The following HOOK1 variants were observed in gnomAD, a reference collection of about 807,000 sequenced individuals.
The protein encoded by HOOK1 is hook microtubule tethering protein 1.
Under a neutral mutation model 112.8 loss-of-function variants are expected in HOOK1, and 60 were observed. The ratio of observed to expected loss-of-function variants is 0.53; its 90% CI spans 0.43 to 0.66. The LOEUF (loss-of-function observed/expected upper bound fraction) is 0.66. Ranked by LOEUF, HOOK1 falls within the 30% of genes least tolerant of loss-of-function variation. The probability of loss-of-function intolerance (pLI) is 0.00; values close to 1 mark genes in which losing one functional copy is unlikely to be tolerated. For synonymous variants in HOOK1, 294 were observed against 283.8 expected, an observed-to-expected ratio of 1.04 and a Z score of -0.36; for missense variants, 770 against 856.0, an observed-to-expected ratio of 0.90 and a Z score of 1.25.
At chr1:59,838,780 T>C (rs1222179618) in intron 7 of HOOK1, among the ~76,000 whole-genome samples, 1 of 152,234 alleles carries the variant, frequency 6.6e-6, no homozygotes, top group Non-Finnish European at 1.5e-5. Context: ...CCCATGCTTC[T>C]GTCCTGAATG....
At chr1:59,842,607 T>G (rs1176718431) in intron 8 of HOOK1, among the ~76,000 whole-genome samples, 1 of 152,140 alleles carries the variant, frequency 6.6e-6, no homozygotes, top group Non-Finnish European at 1.5e-5. Context: ...CTGGATTGAA[T>G]TACATGTTTT....
chr1:59,852,856 T>G (rs1161496952), intron 12 of HOOK1, among the ~76,000 whole-genome samples: 1 of 151,908 alleles, frequency 6.6e-6, no homozygotes, highest in African/African-American at 2.4e-5. Flanking sequence ...TTCTTTTGAA[T>G]TATTTTCCCT....
At position 59,872,952 on chromosome 1, in the gene HOOK1, C is replaced by A; in HGVS notation, c.2174C>A (p.Thr725Lys). The A allele has an allele frequency of 6.7e-7, 1 of 1,486,966 alleles. No individual in the cohort carries two copies. Among genetic ancestry groups the A allele is most frequent in the Non-Finnish European group, 9.0e-7 (1 of 1,109,036 alleles). 92.1% of individuals were successfully genotyped at this position (1,486,966 alleles called of 1,614,324 possible). ...AATCTCTCTGTTAAAGTCCCTGCTA[C>A]AACATCTGATTAAACTGCAAAAAAA... ...RRNLSVKVPA[T>K]TSD Residue 725 changes from threonine to lysine, a missense_variant, in exon 22 of 22, where the codon ACA becomes AAA. Physicochemically the swap from Thr to Lys is moderately conservative, Grantham distance 78. This residue lies in a region of HOOK1 where 111 missense variants were observed against 111.8 expected (regional missense o/e 0.99). Transcript: ENST00000371208.
At chr1:59,869,446 C>A (rs1450243757) in intron 20 of HOOK1, among the ~76,000 whole-genome samples, 1 of 152,164 alleles carries the variant, frequency 6.6e-6, no homozygotes, top group South Asian at 2.1e-4. Context: ...CTCTCCTCAG[C>A]CTTCCAAAGT....
At chr1:59,820,023 T>C (rs1004839951) in intron 1 of HOOK1, among the ~76,000 whole-genome samples, 2 of 152,228 alleles carry the variant, frequency 1.3e-5, no homozygotes, top group African/African-American at 2.4e-5. Context: ...ATAAAGCTAC[T>C]CTGTGTCACT....
chr1:59,857,826 G>T (rs2098411513), intron 12 of HOOK1, among the ~76,000 whole-genome samples: 1 of 152,182 alleles, frequency 6.6e-6, no homozygotes, highest in South Asian at 2.1e-4. Flanking sequence ...TCAGTGATAT[G>T]AAGTACCAGC....
chr1:59,862,408 G>A (rs567202661), intron 15 of HOOK1, among the ~76,000 whole-genome samples: 16 of 152,124 alleles, frequency 1.1e-4, no homozygotes, highest in Non-Finnish European at 2.1e-4. Context: ...CTTCCAATAC[G>A]CTGTGAAATC....
intron 9 of HOOK1, among the ~76,000 whole-genome samples, chr1:59,846,211 G>A (rs2098403706): frequency 6.6e-6 from 1 of 151,482 alleles, no homozygotes; most frequent in African/African-American, 2.4e-5. Flanking sequence ...TTAATTTATC[G>A]ACATGAAGTT....
At chr1:59,835,860 G>A (rs2098397268) in intron 6 of HOOK1, among the ~76,000 whole-genome samples, 1 of 152,062 alleles carries the variant, frequency 6.6e-6, no homozygotes, top group Non-Finnish European at 1.5e-5. Flanking sequence ...AGCAGGTGGA[G>A]TCCAGGTGAT....
At chr1:59,862,052 A>G (rs1227542877) in intron 15 of HOOK1, among the ~76,000 whole-genome samples, 2 of 152,226 alleles carry the variant, frequency 1.3e-5, no homozygotes, top group African/African-American at 4.8e-5. Context: ...ATTACATATT[A>G]CTATCTTATT....
intron 1 of HOOK1, chr1:59,815,388 A>G (rs2098380517): frequency 1.7e-6 from 1 of 589,670 alleles, no homozygotes; most frequent in Non-Finnish European, 3.0e-6. Flanking sequence ...GGGTGGGGGT[A>G]AAGGAAGCTC....
chr1:59,875,233 T>C lies in HOOK1; in HGVS notation c.*2268T>C, dbSNP rs1644114911. 6.6e-6 allele frequency: 1 copy of C among 152,570 alleles called. No individual in the cohort carries two copies. Among genetic ancestry groups the C allele is most frequent in the South Asian group, 2.1e-4 (1 of 4,830 alleles). 9.5% of individuals were successfully genotyped at this position (152,570 alleles called of 1,614,324 possible). On this transcript the variant is annotated 3_prime_UTR_variant, in exon 22 of 22. Coordinates refer to ENST00000371208, the MANE Select transcript of HOOK1 (RefSeq NM_015888.6). ...AGTGTTTTCACAGATCAGATCATTA[T>C]ACTTGGAACTTCTAAATCATGCAAT...
At position 59,873,820 on chromosome 1, in the gene HOOK1, T is replaced by C. The variant is rs547828228; in HGVS notation, c.*855T>C. On this transcript the variant is annotated 3_prime_UTR_variant, in exon 22 of 22. Transcript: ENST00000371208. ...AGGTAATTAATGAAGATTTCAGTTA[T>C]TGCTTTTAAGCATAAAGTTGTATTT... is the stretch of plus-strand genomic sequence containing the variant. The C allele has an allele frequency of 3.0e-4, 44 of 148,430 alleles. No homozygotes were observed. The South Asian group carries it at 6.2e-3, about 21-fold the overall frequency. 9.2% of individuals were successfully genotyped at this position (148,430 alleles called of 1,614,324 possible). A position where few individuals can be genotyped will look rare whatever the true frequency, so the allele number is the denominator to read the frequency against.
rs1450670803 is a variant in HOOK1 at position 59,859,040 on chromosome 1, A to G, written c.1386A>G (p.Glu462=). 4.7e-6 allele frequency: 7 copies of G among 1,494,960 alleles called. No individual in the cohort carries two copies. Among genetic ancestry groups the G allele is most frequent in the Non-Finnish European group, 6.4e-6 (7 of 1,099,868 alleles). The allele number at this position is 1,494,960 out of a possible 1,614,324, so 92.6% of individuals were successfully genotyped here. The stretch of plus-strand genomic sequence containing the variant: ...TTGCTGCTGAGATTATGCCAGTGGA[A>G]TATAGGTAAATTTGTTTCATAATTT... The part of the protein sequence containing the change: ...ENLAAEIMPV[E]YREVFIRLQH... Residue 462 remains glutamate (E), a synonymous_variant, in exon 14 of 22, where the codon GAA becomes GAG. Coordinates refer to ENST00000371208, the MANE Select transcript of HOOK1 (RefSeq NM_015888.6).
At chr1:59,867,758 T>G (rs1456985372) in intron 19 of HOOK1, among the ~76,000 whole-genome samples, 1 of 152,156 alleles carries the variant, frequency 6.6e-6, no homozygotes, top group African/African-American at 2.4e-5. Flanking sequence ...ATTTATTATA[T>G]TGATCTTATA....
At chr1:59,846,560 TTCCTTC>T (rs1559053079) in intron 9 of HOOK1, among the ~76,000 whole-genome samples, 34 of 62,780 alleles carry the variant, frequency 5.4e-4, no homozygotes, top group African/African-American at 2.2e-3. Context: ...CCTTCCTTCC[TTCCTTC>T]CTTCCTTCCT....
rs35170297 is a variant in HOOK1, at chr1:59,874,855, G to T, written c.*1890G>T. 1.3e-5 allele frequency: 2 copies of T among 152,240 alleles called. No individual in the cohort carries two copies. The highest frequency in any genetic ancestry group is 6.6e-5 in the Admixed American group (1 of 15,242). 9.4% of individuals were successfully genotyped at this position (152,240 alleles called of 1,614,324 possible). On this transcript the variant is annotated 3_prime_UTR_variant, in exon 22 of 22. Transcript: ENST00000371208. ...TTTTTACTGAAAATACAAGAATTTC[G>T]TACTGCATTTGCATCTCCGAGATTA...
intron 8 of HOOK1, among the ~76,000 whole-genome samples, chr1:59,841,019 T>A (rs1345869435): frequency 6.6e-6 from 1 of 152,140 alleles, no homozygotes; most frequent in Middle Eastern, 3.2e-3. Flanking sequence ...AATTATCCTG[T>A]ACTTCAGTTT....
chr1:59,858,540 G>A (rs746981531), intron 13 of HOOK1, 25 bp downstream of exon 13: 2 of 1,505,812 alleles, frequency 1.3e-6, no homozygotes, highest in Admixed American at 3.3e-5. Flanking sequence ...ATTTAGAAAA[G>A]TTTCAGCCTG....
Sources: gnomAD v4.1 joint callset for allele counts (sites outside exome capture counted in the v4.1 genomes callset) on GRCh38, gnomAD v4.1.1 for gene constraint, gnomAD v4.1.1 regional missense constraint, MANE v1.5 for transcripts, NCBI Gene and HGNC (gene_info 2026-07-23, HGNC 2026-07-21) for gene names.